The following AGBL4 variants were observed in gnomAD, a reference collection of about 807,000 sequenced individuals.
The protein encoded by AGBL4 is AGBL carboxypeptidase 4, also known as cytosolic carboxypeptidase 6.
Under a neutral mutation model 66.4 loss-of-function variants are expected in AGBL4, and 58 were observed. The observed-to-expected ratio is 0.87, with a 90% CI of 0.71 to 1.09. AGBL4 has a LOEUF of 1.09. Ranked by LOEUF, AGBL4 falls within the 50% of genes least tolerant of loss-of-function variation. AGBL4 has a pLI of 0.00. For missense variants in AGBL4, 579 were observed against 631.0 expected (o/e 0.92, Z 0.88); for synonymous variants, 234 against 222.9 (o/e 1.05, Z -0.44).
At chr1:48,612,452 T>C (rs1645253265) in intron 9 of AGBL4, among the ~76,000 whole-genome samples, 2 of 152,214 alleles carry the variant, frequency 1.3e-5, no homozygotes, top group Admixed American at 6.5e-5. Context: ...GCTGTCTACA[T>C]GAATGGTTCA....
intron 6 of AGBL4, among the ~76,000 whole-genome samples, chr1:48,827,143 A>G (rs1002770090): frequency 1.3e-5 from 2 of 152,158 alleles, no homozygotes; most frequent in African/African-American, 4.8e-5. Context: ...TCAGTATGCT[A>G]TTACTGTACT....
intron 6 of AGBL4, among the ~76,000 whole-genome samples, chr1:48,751,783 GA>G (rs1651778326): frequency 6.6e-6 from 1 of 152,196 alleles, no homozygotes; most frequent in South Asian, 2.1e-4. Context: ...GCAGTTGTTA[GA>G]AAAGGGACAG....
intron 3 of AGBL4, among the ~76,000 whole-genome samples, chr1:49,521,642 T>C (rs1188652373): frequency 6.6e-6 from 1 of 151,968 alleles, no homozygotes; most frequent in East Asian, 1.9e-4. Flanking sequence ...TCTTTTACCA[T>C]AGAAAAAAAC....
chr1:49,843,991 G>T (rs113093528), intron 2 of AGBL4, among the ~76,000 whole-genome samples: 2 of 152,144 alleles, frequency 1.3e-5, no homozygotes, highest in African/African-American at 4.8e-5. Flanking sequence ...CTTGCTATGG[G>T]ATAGAGATAC....
chr1:48,757,744 A>G (rs371639908), intron 6 of AGBL4, among the ~76,000 whole-genome samples: 4 of 152,240 alleles, frequency 2.6e-5, no homozygotes, highest in East Asian at 3.8e-4. Flanking sequence ...ATGAAGCTTC[A>G]TATCTAAATA....
chr1:49,078,709 C>T (rs558294788), intron 4 of AGBL4, among the ~76,000 whole-genome samples: 2 of 152,268 alleles, frequency 1.3e-5, no homozygotes, highest in Admixed American at 1.3e-4. Context: ...TCTACAGCCT[C>T]TCTGCCCAAA....
intron 3 of AGBL4, among the ~76,000 whole-genome samples, chr1:49,360,366 ATAG>A (rs1169716408): frequency 6.6e-6 from 1 of 152,232 alleles, no homozygotes; most frequent in African/African-American, 2.4e-5. Flanking sequence ...CATAAAACAT[ATAG>A]TAGAATAATA....
At chr1:49,726,800 T>G (rs900351782) in intron 2 of AGBL4, among the ~76,000 whole-genome samples, 2 of 152,228 alleles carry the variant, frequency 1.3e-5, no homozygotes, top group Non-Finnish European at 2.9e-5. Context: ...GTTTATTCAC[T>G]TAATTCTCTC....
rs188082995 is a variant in AGBL4, at chr1:49,133,933, A to G, written c.378-88133T>C. ...TATATGTGTATATTCTAATACATAT[A>G]TATATATATGTATCGGGCGAACCAG... On this transcript the variant is annotated intron_variant, in intron 4 of 13. Transcript: ENST00000371839. Among the ~76,000 whole-genome samples, 290 of 152,136 alleles carry G rather than the reference A, an allele frequency of 1.9e-3. 3 individuals are homozygous for G. The highest frequency in any genetic ancestry group is 6.7e-3 in the African/African-American group (280 of 41,540).
intron 4 of AGBL4, among the ~76,000 whole-genome samples, chr1:49,239,385 C>A (rs905462199): frequency 6.6e-6 from 1 of 151,882 alleles, no homozygotes; most frequent in African/African-American, 2.4e-5. Context: ...TTTAACAAAC[C>A]TAAAACCTAT....
At chr1:49,405,749 G>T (rs943771860) in intron 3 of AGBL4, among the ~76,000 whole-genome samples, 2 of 152,072 alleles carry the variant, frequency 1.3e-5, no homozygotes, top group Non-Finnish European at 2.9e-5. Flanking sequence ...TTTTTATCAG[G>T]GCAACCTCTG....
intron 6 of AGBL4, among the ~76,000 whole-genome samples, chr1:48,696,684 A>G (rs1437865299): frequency 1.3e-5 from 2 of 152,158 alleles, no homozygotes; most frequent in Admixed American, 1.3e-4. Flanking sequence ...TATTTCCAGG[A>G]GGGGCTTCAC....
intron 3 of AGBL4, among the ~76,000 whole-genome samples, chr1:49,507,933 T>A (rs1648847647): frequency 6.6e-6 from 1 of 151,876 alleles, no homozygotes; most frequent in Admixed American, 6.6e-5. Context: ...TTTGACTTAG[T>A]AATACATCAA....
At chr1:48,857,565 C>CA in intron 6 of AGBL4, among the ~76,000 whole-genome samples, 1 of 151,980 alleles carries the variant, frequency 6.6e-6, no homozygotes, top group Non-Finnish European at 1.5e-5. Context: ...GCTAAAAATA[C>CA]AAAAAATTAG....
intron 3 of AGBL4, among the ~76,000 whole-genome samples, chr1:49,431,273 A>T (rs1420257605): frequency 2.7e-5 from 4 of 150,888 alleles, no homozygotes; most frequent in African/African-American, 5.0e-5. Context: ...TTAAGTTCAT[A>T]AAAAAACTCC....
intron 3 of AGBL4, among the ~76,000 whole-genome samples, chr1:49,433,544 A>T (rs1389734988): frequency 6.6e-6 from 1 of 152,200 alleles, no homozygotes; most frequent in African/African-American, 2.4e-5. Flanking sequence ...TCTCACAAGT[A>T]GTTATCATTT....
At chr1:48,752,789 C>T (rs1474494305) in intron 6 of AGBL4, among the ~76,000 whole-genome samples, 7 of 151,858 alleles carry the variant, frequency 4.6e-5, no homozygotes, top group South Asian at 2.1e-4. Flanking sequence ...CTCGCTCTGT[C>T]GCCAGGCTGG....
At chr1:49,373,520 G>C (rs913930571) in intron 3 of AGBL4, among the ~76,000 whole-genome samples, 1 of 152,218 alleles carries the variant, frequency 6.6e-6, no homozygotes, top group Non-Finnish European at 1.5e-5. Flanking sequence ...CATTTTTAAA[G>C]AAACAATTCT....
At chr1:50,003,097 G>T (rs1660884056) in intron 1 of AGBL4, among the ~76,000 whole-genome samples, 1 of 152,038 alleles carries the variant, frequency 6.6e-6, no homozygotes, top group Admixed American at 6.6e-5. Flanking sequence ...ATATAAATTT[G>T]CTTATAATCT....
Sources: gnomAD v4.1 joint callset for allele counts (sites outside exome capture counted in the v4.1 genomes callset) on GRCh38, gnomAD v4.1.1 for gene constraint, MANE v1.5 for transcripts, NCBI Gene and HGNC (gene_info 2026-07-23, HGNC 2026-07-21) for gene names.